Variants in KMT2E observed in about 807,000 individuals in gnomAD.
KMT2E encodes the protein histone reader KMT2E.
A neutral mutation model predicts 184.6 loss-of-function variants in KMT2E; 30 were observed. The ratio of observed to expected loss-of-function variants is 0.16; its 90% CI spans 0.12 to 0.22. The LOEUF is 0.22. KMT2E is among the 10% of genes least tolerant of loss of function. The probability of loss-of-function intolerance (pLI) is 1.00; values close to 1 mark genes in which losing one functional copy is unlikely to be tolerated. For synonymous variants in KMT2E, 815 were observed against 776.5 expected (o/e 1.05, Z -0.82); for missense variants, 2,023 against 2,237.4 (o/e 0.90, Z 1.93).
chr7:105,079,511 CTTTTTTTTTTTTTTT>C lies in KMT2E; in HGVS notation c.1248+564_1248+578del, dbSNP rs66734303. ...CTTATAAGAGGAAATATTGGACTTC[CTTTTTTTTTTTTTTT>C]TTTTTTTTTTTTTTTGAGGCAGTGT... On this transcript the variant is annotated intron_variant, in intron 12 of 26. Transcript: ENST00000311117. 4.8e-5 allele frequency among the ~76,000 whole-genome samples: 3 copies of C among 62,330 alleles called. No individual in the cohort carries two copies. The East Asian group carries it at 2.3e-3, about 48-fold the overall frequency. 40.9% of individuals were successfully genotyped at this position (62,330 alleles called of 152,430 possible).
intron 1 of KMT2E, among the ~76,000 whole-genome samples, chr7:105,016,059 G>A (rs1221270363): frequency 6.6e-6 from 1 of 152,090 alleles, no homozygotes; most frequent in Non-Finnish European, 1.5e-5. Flanking sequence ...AGATTAAAAT[G>A]TTTAGTAACT....
At chr7:105,066,531 T>C (rs183040170) in intron 5 of KMT2E, among the ~76,000 whole-genome samples, 196 bp from the exon 6 acceptor site, 14 of 152,318 alleles carry the variant, frequency 9.2e-5, no homozygotes, top group African/African-American at 3.4e-4. Flanking sequence ...TTATGTATCC[T>C]ATATTTATCC....
intron 15 of KMT2E, among the ~76,000 whole-genome samples, chr7:105,099,465 C>T (rs144028661): frequency 3.2e-4 from 48 of 152,282 alleles, no homozygotes; most frequent in Non-Finnish European, 5.4e-4. Flanking sequence ...GGATTTTGCT[C>T]TGACTATAAA....
At chr7:105,041,095 G>C in intron 3 of KMT2E, 72 bp downstream of exon 3, 1 of 817,464 alleles carries the variant, frequency 1.2e-6, no homozygotes. Context: ...GTAGGAAGAA[G>C]TATAAGTGGA....
At chr7:105,054,185 C>T (rs535787407) in intron 3 of KMT2E, among the ~76,000 whole-genome samples, 33 of 150,632 alleles carry the variant, frequency 2.2e-4, no homozygotes, top group African/African-American at 6.3e-4. Flanking sequence ...AAAAAGGCTG[C>T]GAAATTTTTT....
In KMT2E at chr7:105,072,898, G is replaced by A. The variant is rs537082900; in HGVS notation, c.498-721G>A. 2.0e-5 allele frequency among the ~76,000 whole-genome samples: 3 copies of A among 151,834 alleles called. No homozygotes were observed. In the East Asian group the frequency reaches 5.8e-4, roughly 29 times the overall value. On this transcript the variant is annotated intron_variant, in intron 6 of 26. Coordinates refer to ENST00000311117, the MANE Select transcript of KMT2E (RefSeq NM_182931.3). ...CATTGCACTCCAGCCTGGGCAATAAGAGCGAAACTCCATCTCAAAAAAAAA... is the reference window on the plus strand; with the variant it reads ...CATTGCACTCCAGCCTGGGCAATAAAAGCGAAACTCCATCTCAAAAAAAAA...
intron 4 of KMT2E, among the ~76,000 whole-genome samples, chr7:105,062,868 G>C (rs746822279): frequency 6.6e-6 from 1 of 151,714 alleles, no homozygotes; most frequent in Non-Finnish European, 1.5e-5. Context: ...AGAATTATGA[G>C]ATACTTACTA....
chr7:105,112,787 A>AT lies in KMT2E; in HGVS notation c.5031_5032insT (p.Pro1678SerfsTer191). Reference sequence around the variant, plus strand: ...ATTCTCAAACTGCTGGACACCACTTACCCCCACCCCCACCCCCTCCTGGTC... The same window carrying AT: ...ATTCTCAAACTGCTGGACACCACTTATCCCCCACCCCCACCCCCTCCTGGTC... On this transcript the variant is annotated frameshift_variant, in exon 27 of 27. Coordinates refer to ENST00000311117, the MANE Select transcript of KMT2E (RefSeq NM_182931.3). LOFTEE classifies it high-confidence loss of function. The AT allele has an allele frequency of 1.4e-6, 2 of 1,462,824 alleles. No homozygotes were observed. The highest frequency in any genetic ancestry group is 1.2e-5 in the South Asian group (1 of 86,788). 90.6% of individuals were successfully genotyped at this position (1,462,824 alleles called of 1,614,324 possible).
intron 3 of KMT2E, among the ~76,000 whole-genome samples, chr7:105,054,737 ACTC>A (rs1796506501): frequency 6.6e-6 from 1 of 151,798 alleles, no homozygotes. Context: ...TTGATCTCGA[ACTC>A]CTGACCTCAG....
chr7:105,028,124 A>G (rs947675872), intron 1 of KMT2E, among the ~76,000 whole-genome samples: 6 of 151,956 alleles, frequency 3.9e-5, no homozygotes. Context: ...GCAAAAAGAT[A>G]GATATTTTGC....
At chr7:105,077,225 G>A (rs1175505343) in intron 10 of KMT2E, 32 bp downstream of exon 10, 1 of 1,605,370 alleles carries the variant, frequency 6.2e-7, no homozygotes, top group Non-Finnish European at 8.5e-7. Context: ...AAATTGTAAA[G>A]CAGTTTTATA....
Position 105,107,876 on chromosome 7 carries a change from A to G in KMT2E, c.3419A>G (p.Asn1140Ser), listed in dbSNP as rs779269793. Residue 1140 changes from asparagine to serine, a missense_variant, in exon 22 of 27, where the codon AAT becomes AGT. Asn to Ser is a conservative substitution (Grantham distance 46, BLOSUM62 1). This residue lies in a region of KMT2E where 1,108 missense variants were observed against 1,050.9 expected (regional missense o/e 1.05). Coordinates refer to ENST00000311117, the MANE Select transcript of KMT2E (RefSeq NM_182931.3). ...GGTTTCGGACGGACTGTTAATGACA[A>G]TTTGATCGACGGGAATTGCACACCC... ...VSGFGRTVND[N>S]LIDGNCTPQN... 5 of 1,613,922 alleles carry G rather than the reference A, an allele frequency of 3.1e-6. No homozygotes were observed. The South Asian group carries it at 4.4e-5, about 14-fold the overall frequency.
At chr7:105,079,511 CTTTTTTT>C (rs66734303) in intron 12 of KMT2E, among the ~76,000 whole-genome samples, 12 of 62,332 alleles carry the variant, frequency 1.9e-4, no homozygotes, top group East Asian at 7.6e-4. Flanking sequence ...ATTGGACTTC[CTTTTTTT>C]TTTTTTTTTT....
At chr7:105,071,185 G>A (rs369133781) in intron 6 of KMT2E, among the ~76,000 whole-genome samples, 1 of 152,040 alleles carries the variant, frequency 6.6e-6, no homozygotes, top group Non-Finnish European at 1.5e-5. Flanking sequence ...TCAATGTACT[G>A]TATCTTTTTT....
At chr7:105,082,579 G>T (rs539086580) in intron 13 of KMT2E, among the ~76,000 whole-genome samples, 21 of 152,256 alleles carry the variant, frequency 1.4e-4, no homozygotes, top group Non-Finnish European at 2.4e-4. Context: ...TTCATGTTGA[G>T]TAGGCTGAGG....
chr7:105,109,301 C>T (rs1289947974), intron 23 of KMT2E, 73 bp downstream of exon 23: 11 of 1,455,372 alleles, frequency 7.6e-6, no homozygotes, highest in Non-Finnish European at 1.0e-5. Flanking sequence ...ATTTGTTGTT[C>T]TCCCAAGGCT....
intron 6 of KMT2E, among the ~76,000 whole-genome samples, chr7:105,072,085 G>A (rs1797345295): frequency 6.6e-6 from 1 of 151,778 alleles, no homozygotes; most frequent in African/African-American, 2.4e-5. Context: ...AGGCCCAGGC[G>A]GGTGGATCAT....
chr7:105,102,055 T>C lies in KMT2E; in HGVS notation c.2057T>C (p.Val686Ala). Residue 686 changes from valine (V) to alanine (A), a missense_variant, in exon 17 of 27, where the codon GTT becomes GCT. Physicochemically the swap from Val to Ala is moderately conservative, Grantham distance 64. This residue lies in a region of KMT2E where 514 missense variants were observed against 621.8 expected (regional missense o/e 0.83). Transcript: ENST00000311117. ...CAGCCATCTTCTCCTGATATAGAAGTTACTTCACAACAAAATGATATTGAA... is the reference window on the plus strand; with the variant it reads ...CAGCCATCTTCTCCTGATATAGAAGCTACTTCACAACAAAATGATATTGAA... ...DIQPSSPDIE[V>A]TSQQNDIENT... is the part of the protein sequence containing the mutation. 2 of 1,613,896 alleles carry C rather than the reference T, an allele frequency of 1.2e-6. No homozygotes were observed. The highest frequency in any genetic ancestry group is 1.7e-6 in the Non-Finnish European group (2 of 1,179,868).
chr7:105,038,559 C>T (rs1795755670), intron 2 of KMT2E: 1 of 152,050 alleles, frequency 6.6e-6, no homozygotes, highest in South Asian at 2.1e-4. Context: ...GACAGAGTTT[C>T]ACCATGTTGG....
Sources: allele counts gnomAD v4.1 joint callset (sites outside exome capture counted in the v4.1 genomes callset), GRCh38; gene constraint gnomAD v4.1.1; regional missense constraint gnomAD v4.1.1; transcripts MANE v1.5; gene names NCBI Gene and HGNC (gene_info 2026-07-23, HGNC 2026-07-21).